HELQ: variants seen among roughly 807,000 people sequenced by gnomAD.
HELQ encodes helicase POLQ-like.
HELQ carries 77 observed loss-of-function variants against 111.6 expected under a neutral mutation model. The observed-to-expected ratio is 0.69, with a 90% confidence interval of 0.57 to 0.83. The LOEUF (loss-of-function observed/expected upper bound fraction) is 0.83, where lower values mean the gene tolerates loss of function less well. HELQ is among the 40% of genes least tolerant of loss of function. The pLI is 0.00. For synonymous variants in HELQ, 438 were observed against 454.7 expected (o/e 0.96, Z 0.47); for missense variants, 1,200 against 1,288.5 (o/e 0.93, Z 1.05).
At chr4:83,443,641 A>G (rs1419917514) in intron 5 of HELQ, 27 bp from the exon 6 acceptor site, 1 of 1,028,648 alleles carries the variant, frequency 9.7e-7, no homozygotes, top group Admixed American at 2.0e-5. Flanking sequence ...CAAAAGCCAA[A>G]GTGTTAAGGA....
intron 11 of HELQ, 129 bp from the exon 12 acceptor site, chr4:83,429,875 C>T (rs892745900): frequency 1.7e-6 from 1 of 585,052 alleles, no homozygotes; most frequent in Admixed American, 3.4e-5. Context: ...ATTAAATCTA[C>T]ACAGTTGCAT....
intron 2 of HELQ, among the ~76,000 whole-genome samples, chr4:83,450,902 G>A (rs1365504101): frequency 6.6e-6 from 1 of 152,118 alleles, no homozygotes; most frequent in Non-Finnish European, 1.5e-5. Context: ...GGAGGTTGAC[G>A]CTGTAGTGAG....
At chr4:83,412,202 T>C (rs1034383786) in intron 17 of HELQ, among the ~76,000 whole-genome samples, 7 of 152,228 alleles carry the variant, frequency 4.6e-5, no homozygotes, top group Non-Finnish European at 1.0e-4. Context: ...ATACTATGGT[T>C]ATCCTATTTC....
intron 17 of HELQ, among the ~76,000 whole-genome samples, chr4:83,410,882 G>A (rs1663537600): frequency 6.6e-6 from 1 of 151,914 alleles, no homozygotes; most frequent in Non-Finnish European, 1.5e-5. Context: ...TAGGCAAGGT[G>A]GCTCACACTT....
chr4:83,432,678 T>C (rs1720219575), intron 9 of HELQ, among the ~76,000 whole-genome samples: 1 of 152,182 alleles, frequency 6.6e-6, no homozygotes, highest in Admixed American at 6.5e-5. Context: ...CACTAACATA[T>C]ACATATCTAT....
At position 83,439,975 on chromosome 4, in the gene HELQ, G is replaced by A; in HGVS notation, c.1696C>T (p.His566Tyr). The change falls in exon 8 of 18, where the codon CAC (histidine) becomes TAC (tyrosine). Residue 566 changes from histidine (H) to tyrosine (Y), a missense_variant. His to Tyr is a moderately conservative substitution (Grantham distance 83). Transcript: ENST00000295488. Reference sequence around the variant, plus strand: ...ACTTCTGTCACCAATGCTACCAAGTGATCAGGATCCATCTTTTTTAGGGTA... The same window carrying A: ...ACTTCTGTCACCAATGCTACCAAGTAATCAGGATCCATCTTTTTTAGGGTA... ...SDTLKKMDPDHLVALVTEVIP... is the reference protein window; with the variant it reads ...SDTLKKMDPDYLVALVTEVIP... The A allele has an allele frequency of 2.5e-6, 4 of 1,611,906 alleles. No homozygotes were observed. In the South Asian group the frequency reaches 3.3e-5, roughly 13 times the overall value.
At position 83,454,033 on chromosome 4, in the gene HELQ, G is replaced by T. The variant is rs188124422; in HGVS notation, c.298-88C>A. 4.0e-4 allele frequency: 325 copies of T among 806,350 alleles called. 1 individual carries two copies. In the African/African-American group the frequency reaches 5.2e-3, roughly 13 times the overall value. The allele number at this position is 806,350 out of a possible 1,614,324, so 49.9% of individuals were successfully genotyped here. ...AGCCTGGCCAACATGGTCAAACCCC[G>T]TGTCTACAGAAAATACAAAAATTAG... On this transcript the variant is annotated intron_variant, in intron 1 of 17. Transcript: ENST00000295488.
intron 13 of HELQ, among the ~76,000 whole-genome samples, 163 bp downstream of exon 13, chr4:83,427,400 A>T (rs1719902636): frequency 6.6e-6 from 1 of 152,212 alleles, no homozygotes; most frequent in South Asian, 2.1e-4. Flanking sequence ...TACACTTGTA[A>T]TCCTAGCACT....
At chr4:83,454,382 G>C (rs1014956454) in intron 1 of HELQ, among the ~76,000 whole-genome samples, 7 of 152,064 alleles carry the variant, frequency 4.6e-5, no homozygotes, top group Non-Finnish European at 4.4e-5. Flanking sequence ...AGCAGGTTCA[G>C]GAGTGTTACG....
rs746031943 is a variant in HELQ, at chr4:83,439,929, A to T, written c.1742T>A (p.Leu581Ter). The T allele has an allele frequency of 6.2e-7, 1 of 1,608,818 alleles. No homozygotes were observed. The highest frequency in any genetic ancestry group is 1.1e-5 in the South Asian group (1 of 90,722). ...GTTCTTCTTACTAGGACAAAAAACT[A>T]AGCAGGAATAATTGGGAATAACTTC... is the stretch of plus-strand genomic sequence containing the variant. ...VTEVIPNYSC[L>*]VFCPSKKNCE... The change falls in exon 8 of 18, where the codon TTA (leucine) becomes TAA (stop). Residue 581 changes from leucine (L) to a stop codon, truncating the protein, a stop_gained. Transcript: ENST00000295488. LOFTEE classifies it high-confidence loss of function.
At chr4:83,435,747 C>T (rs1720419140) in intron 9 of HELQ, among the ~76,000 whole-genome samples, 4 of 152,116 alleles carry the variant, frequency 2.6e-5, no homozygotes, top group Middle Eastern at 3.4e-3. Context: ...GTAGAATATA[C>T]TAAGGACATG....
At chr4:83,446,149 T>G in intron 4 of HELQ, 63 bp from the exon 5 acceptor site, 1 of 1,075,576 alleles carries the variant, frequency 9.3e-7, no homozygotes, top group Admixed American at 1.8e-5. Flanking sequence ...ATATAAAACA[T>G]GCATATATTC....
In HELQ at chr4:83,407,366, ATT is replaced by A. The variant is rs878959447; in HGVS notation, c.*85_*86del. On this transcript the variant is annotated 3_prime_UTR_variant, in exon 18 of 18. Coordinates refer to ENST00000295488, the MANE Select transcript of HELQ (RefSeq NM_133636.5). ...AGTTCTTAATGTATAACTGAAATGT[ATT>A]TTTTCATTTATAAAGTATAAGTTAT... The A allele has an allele frequency of 4.2e-5, 33 of 789,180 alleles. No individual in the cohort carries two copies. In the South Asian group the frequency reaches 4.3e-4, roughly 10 times the overall value. 48.9% of individuals were successfully genotyped at this position (789,180 alleles called of 1,614,324 possible). A position where few individuals can be genotyped will look rare whatever the true frequency, so the allele number is the denominator to read the frequency against.
chr4:83,431,098 G>A (rs1720119239), intron 11 of HELQ, among the ~76,000 whole-genome samples: 1 of 150,744 alleles, frequency 6.6e-6, no homozygotes, highest in South Asian at 2.1e-4. Flanking sequence ...CCATGTCCCA[G>A]ATTAAAGAAA....
At chr4:83,419,279 T>C (rs1267123382) in intron 15 of HELQ, among the ~76,000 whole-genome samples, 1 of 151,412 alleles carries the variant, frequency 6.6e-6, no homozygotes, top group African/African-American at 2.4e-5. Context: ...CACCCCTGCC[T>C]TGAAATATTG....
chr4:83,451,802 T>A (rs756110902), intron 2 of HELQ, among the ~76,000 whole-genome samples: 1 of 152,178 alleles, frequency 6.6e-6, no homozygotes, highest in Non-Finnish European at 1.5e-5. Context: ...GGGAAGAAAG[T>A]TAACGTCTAC....
intron 7 of HELQ, 140 bp from the exon 8 acceptor site, chr4:83,440,148 A>C: frequency 1.6e-6 from 1 of 622,328 alleles, no homozygotes; most frequent in Non-Finnish European, 2.7e-6. Flanking sequence ...ATTTAAAAGA[A>C]AAGATGAAAT....
Position 83,432,224 on chromosome 4 carries a change from T to C in HELQ, c.2092A>G (p.Arg698Gly), listed in dbSNP as rs766664724. Residue 698 changes from arginine (R) to glycine (G), a missense_variant, in exon 10 of 18, where the codon AGG becomes GGG. Around this residue, in one of 3 missense-constraint regions of HELQ, gnomAD observed 585 missense variants for 665.3 expected, o/e 0.88. Transcript: ENST00000295488. ...APYVAKEFLK[R>G]NQYKQMIGRA... Reference sequence around the variant, plus strand: ...CCAATCATCTGTTTATATTGATTCCTCTTTAAAAATTCCTTAGCAACATAG... The same window carrying C: ...CCAATCATCTGTTTATATTGATTCCCCTTTAAAAATTCCTTAGCAACATAG... The C allele has an allele frequency of 6.3e-7, 1 of 1,587,718 alleles. No individual in the cohort carries two copies. The highest frequency in any genetic ancestry group is 8.6e-7 in the Non-Finnish European group (1 of 1,165,580).
At chr4:83,423,651 T>C (rs58107502) in intron 14 of HELQ, among the ~76,000 whole-genome samples, 13,663 of 151,900 alleles carry the variant, frequency 0.09, 2,067 homozygotes, top group African/African-American at 0.31. Flanking sequence ...TGGCTCACGC[T>C]TGTAATCCCA....
Sources: gnomAD v4.1 joint callset for allele counts (sites outside exome capture counted in the v4.1 genomes callset) on GRCh38, gnomAD v4.1.1 for gene constraint, gnomAD v4.1.1 regional missense constraint, MANE v1.5 for transcripts, NCBI Gene and HGNC (gene_info 2026-07-23, HGNC 2026-07-21) for gene names.